The following CNOT9 variants were observed in gnomAD, a reference collection of about 807,000 sequenced individuals.
CNOT9 encodes RCD1 required for cell differentiation1 homolog.
In CNOT9, 8 loss-of-function variants were observed where a neutral mutation model predicts 37.4. The observed-to-expected ratio is 0.21, with a 90% CI of 0.13 to 0.39. The LOEUF is 0.39. Among genes scored for constraint, CNOT9 ranks in the 10% least tolerant of loss-of-function variants. The probability of loss-of-function intolerance (pLI) is 1.00; values close to 1 mark genes in which losing one functional copy is unlikely to be tolerated. For synonymous variants in CNOT9, 120 were observed against 137.6 expected (o/e 0.87, Z 0.90); for missense variants, 154 against 365.3 (o/e 0.42, Z 4.71).
chr2:218,588,733 A>ATT (rs36028807), intron 5 of CNOT9, among the ~76,000 whole-genome samples: 1,798 of 141,556 alleles, frequency 0.013, 59 homozygotes, highest in East Asian at 0.1. Context: ...CTCCTGGCTA[A>ATT]TTTTTTTTTT....
intron 2 of CNOT9, 134 bp downstream of exon 2, chr2:218,580,874 GA>G (rs1217127914): frequency 2.4e-6 from 2 of 837,870 alleles, no homozygotes; most frequent in Non-Finnish European, 3.8e-6. Context: ...ATCTGTTTTA[GA>G]AAGGTCTGAG....
intron 5 of CNOT9, among the ~76,000 whole-genome samples, chr2:218,591,741 TAAA>T (rs766798627): frequency 2.3e-5 from 3 of 129,476 alleles, no homozygotes; most frequent in African/African-American, 8.6e-5. Flanking sequence ...AGACTCCATC[TAAA>T]AAAAAAAAAA....
At position 218,594,207 on chromosome 2, in the gene CNOT9, A is replaced by G. The variant is rs1394786613; in HGVS notation, c.831A>G (p.Ala277=). The part of the protein sequence containing the change: ...KDDTTTKRWL[A]QLVKNLQEGQ... ...ACACCACCACGAAACGCTGGCTTGC[A>G]CAACTGGTGAAGAACCTGCAAGAGG... The change falls in exon 8 of 8, where the codon GCA becomes GCG. Residue 277 remains alanine, a synonymous_variant. Coordinates refer to ENST00000273064, the MANE Select transcript of CNOT9 (RefSeq NM_005444.3). The G allele has an allele frequency of 1.2e-6, 2 of 1,614,100 alleles. No individual in the cohort carries two copies. Among genetic ancestry groups the G allele is most frequent in the African/African-American group, 2.7e-5 (2 of 74,950 alleles).
intron 3 of CNOT9, among the ~76,000 whole-genome samples, chr2:218,583,297 C>T (rs1314499525): frequency 3.7e-5 from 5 of 135,966 alleles, no homozygotes; most frequent in East Asian, 4.2e-4. Flanking sequence ...CCTGGTCTTC[C>T]GGATTCTTAT....
chr2:218,573,306 G>A (rs1574983991), intron 1 of CNOT9, among the ~76,000 whole-genome samples: 1 of 132,806 alleles, frequency 7.5e-6, no homozygotes. Context: ...CAACAAGAGC[G>A]AAACTCCATC....
chr2:218,580,638 T>G lies in CNOT9; in HGVS notation c.102T>G (p.Thr34=). Reference sequence around the variant, plus strand: ...TCAATGAGCTGTCCAGTCCTGAGACTAGGGAAAATGCTTTGCTGGAGCTAA... The same window carrying G: ...TCAATGAGCTGTCCAGTCCTGAGACGAGGGAAAATGCTTTGCTGGAGCTAA... ...QWINELSSPE[T]RENALLELSK... The change falls in exon 2 of 8, where the codon ACT becomes ACG. Residue 34 remains threonine (T), a synonymous_variant. Transcript: ENST00000273064. 1.2e-6 allele frequency: 2 copies of G among 1,614,042 alleles called. No individual in the cohort carries two copies. Among genetic ancestry groups the G allele is most frequent in the Non-Finnish European group, 1.7e-6 (2 of 1,179,910 alleles).
intron 1 of CNOT9, among the ~76,000 whole-genome samples, chr2:218,570,927 T>G (rs1693970336): frequency 6.6e-6 from 1 of 152,214 alleles, no homozygotes; most frequent in Non-Finnish European, 1.5e-5. Flanking sequence ...TCTGACAAAT[T>G]CCTTCGTACC....
chr2:218,571,374 C>A (rs1362612632), intron 1 of CNOT9, among the ~76,000 whole-genome samples: 1 of 152,078 alleles, frequency 6.6e-6, no homozygotes, highest in Non-Finnish European at 1.5e-5. Flanking sequence ...TATGAAGGCA[C>A]CTGTGAATGG....
Position 218,594,480 on chromosome 2 carries a change from T to C in CNOT9, c.*204T>C, listed in dbSNP as rs1026737857. ...TGAGGACCTGGGCTCCCTCTGCTAC[T>C]CCCAGGAAATGGGCTCCTGACACAG... On this transcript the variant is annotated 3_prime_UTR_variant, in exon 8 of 8. Transcript: ENST00000273064. 2.6e-5 allele frequency: 15 copies of C among 578,704 alleles called. No individual in the cohort carries two copies. The highest frequency in any genetic ancestry group is 4.2e-5 in the Non-Finnish European group (14 of 334,328). 35.8% of individuals were successfully genotyped at this position (578,704 alleles called of 1,614,324 possible). A position where few individuals can be genotyped will look rare whatever the true frequency, so the allele number is the denominator to read the frequency against.
intron 4 of CNOT9, 110 bp downstream of exon 4, chr2:218,584,831 C>A: frequency 1.3e-6 from 1 of 786,306 alleles, no homozygotes; most frequent in East Asian, 2.5e-5. Context: ...TCATTTTTGT[C>A]TTTGAGGTTG....
intron 5 of CNOT9, among the ~76,000 whole-genome samples, chr2:218,588,781 G>A (rs1694683002): frequency 6.9e-6 from 1 of 145,856 alleles, no homozygotes; most frequent in African/African-American, 2.5e-5. Flanking sequence ...TGTCATGTTG[G>A]ACAGGCTGGT....
chr2:218,588,896 A>G (rs1485606775), intron 5 of CNOT9, among the ~76,000 whole-genome samples: 1 of 151,870 alleles, frequency 6.6e-6, no homozygotes, highest in Non-Finnish European at 1.5e-5. Flanking sequence ...CTGAAAGAGC[A>G]TATTACTTGT....
At position 218,597,044 on chromosome 2, in the gene CNOT9, A is replaced by G. The variant is rs576408958; in HGVS notation, c.*2768A>G. 1.3e-4 allele frequency: 20 copies of G among 152,258 alleles called. 1 individual carries two copies. The South Asian group carries it at 4.2e-3, about 32-fold the overall frequency. 9.4% of individuals were successfully genotyped at this position (152,258 alleles called of 1,614,324 possible). A position where few individuals can be genotyped will look rare whatever the true frequency, so the allele number is the denominator to read the frequency against. ...GCTTAAAGGCTAGGAAAAGGGGGAT[A>G]TACAAAGTTGTTGCTTTCAAAAACT... On this transcript the variant is annotated 3_prime_UTR_variant, in exon 8 of 8. Transcript: ENST00000273064.
chr2:218,571,069 T>A (rs1198506223), intron 1 of CNOT9, among the ~76,000 whole-genome samples: 1 of 152,208 alleles, frequency 6.6e-6, no homozygotes, highest in African/African-American at 2.4e-5. Flanking sequence ...GGGACAGTAA[T>A]GATGCATATC....
At position 218,595,747 on chromosome 2, in the gene CNOT9, G is replaced by T. The variant is rs1408961942; in HGVS notation, c.*1471G>T. The T allele has an allele frequency of 6.7e-6, 1 of 149,444 alleles. No homozygotes were observed. Among genetic ancestry groups the T allele is most frequent in the Non-Finnish European group, 1.5e-5 (1 of 67,484 alleles). The allele number at this position is 149,444 out of a possible 1,614,324, so 9.3% of individuals were successfully genotyped here. A position where few individuals can be genotyped will look rare whatever the true frequency, so the allele number is the denominator to read the frequency against. On this transcript the variant is annotated 3_prime_UTR_variant, in exon 8 of 8. Transcript: ENST00000273064. ...CTTGGGGAGGGTCTATAAGGGGTAG[G>T]CTCAAAAAAAAAAAAACCCATTTGC...
At chr2:218,576,699 C>T (rs1190317773) in intron 1 of CNOT9, among the ~76,000 whole-genome samples, 2 of 152,106 alleles carry the variant, frequency 1.3e-5, no homozygotes, top group East Asian at 1.9e-4. Context: ...TGAGCACAGT[C>T]GCTTATACCT....
intron 5 of CNOT9, 64 bp downstream of exon 5, chr2:218,587,759 G>T: frequency 2.7e-6 from 2 of 737,046 alleles, no homozygotes; most frequent in South Asian, 3.4e-5. Context: ...TATGGTCCTG[G>T]GATCATTTTC....
chr2:218,587,224 T>C (rs1051679763), intron 4 of CNOT9: 1 of 157,368 alleles, frequency 6.4e-6, no homozygotes, highest in Non-Finnish European at 1.4e-5. Flanking sequence ...ACAGGTTCAA[T>C]TGATTCTCCT....
chr2:218,579,434 A>G (rs889354579), intron 1 of CNOT9, among the ~76,000 whole-genome samples: 2 of 152,228 alleles, frequency 1.3e-5, no homozygotes, highest in African/African-American at 4.8e-5. Flanking sequence ...GTATCACATT[A>G]TAAAGCTGCA....
Sources: allele counts gnomAD v4.1 joint callset (sites outside exome capture counted in the v4.1 genomes callset), GRCh38; gene constraint gnomAD v4.1.1; transcripts MANE v1.5; gene names NCBI Gene and HGNC (gene_info 2026-07-23, HGNC 2026-07-21).